NOTCH2: variants seen among roughly 807,000 people sequenced by gnomAD.
NOTCH2 encodes the protein notch receptor 2.
In NOTCH2, 29 loss-of-function variants were observed where a neutral mutation model predicts 235.8. The observed-to-expected ratio is 0.12, with a 90% CI of 0.09 to 0.17. The LOEUF is 0.17. NOTCH2 is among the 10% of genes least tolerant of loss of function. NOTCH2 has a pLI of 1.00. For synonymous variants in NOTCH2, 1,086 were observed against 1,141.5 expected (o/e 0.95, Z 0.98); for missense variants, 2,285 against 3,150.2 (o/e 0.73, Z 6.57).
At chr1:120,066,208 G>C (rs1553217049) in intron 1 of NOTCH2, among the ~76,000 whole-genome samples, 1 of 151,916 alleles carries the variant, frequency 6.6e-6, no homozygotes, top group East Asian at 1.9e-4. Context: ...TTAAACACTG[G>C]AATGACTAAG....
chr1:119,940,533 G>A, intron 19 of NOTCH2, 22 bp downstream of exon 19: 2 of 1,606,684 alleles, frequency 1.2e-6, no homozygotes, highest in Non-Finnish European at 1.7e-6. Context: ...GGAGCTGAGT[G>A]AATGGGAAGG....
chr1:119,916,414 G>C lies in NOTCH2; in HGVS notation c.6308C>G (p.Ser2103Cys), dbSNP rs1484695811. 7 of 1,614,064 alleles carry C rather than the reference G, an allele frequency of 4.3e-6. No homozygotes were observed. Among genetic ancestry groups the C allele is most frequent in the Non-Finnish European group, 5.9e-6 (7 of 1,180,036 alleles). The change falls in exon 34 of 34, where the codon TCT becomes TGT. Residue 2103 changes from serine (S) to cysteine (C), a missense_variant. Around this residue, in one of 6 missense-constraint regions of NOTCH2, gnomAD observed 504 missense variants for 538.0 expected, o/e 0.94. Transcript: ENST00000256646. ...GGTACTCTTGGCACTGGGCCGTCTA[G>C]ACTTCTTGCCCATTGGGGTGTGCTT... The part of the protein sequence containing the change: ...SLKHTPMGKK[S>C]RRPSAKSTMP...
intron 10 of NOTCH2, 108 bp downstream of exon 10, chr1:119,965,345 C>T (rs1470567250): frequency 1.1e-6 from 1 of 904,232 alleles, no homozygotes; most frequent in African/African-American, 1.6e-5. Context: ...ACAGAGGAGC[C>T]TCTGGGAGTG....
rs782598702 is a variant in NOTCH2, at chr1:120,069,124, C to G, written c.73+210G>C. On this transcript the variant is annotated intron_variant, in intron 1 of 33. Transcript: ENST00000256646. ...GTAAGGGGTCCCGGGCCGCGGGGAG[C>G]AGAGGCGGCGGGGAACCCCGGCGGT... is the stretch of plus-strand genomic sequence containing the variant. 131 of 1,525,052 alleles carry G rather than the reference C, an allele frequency of 8.6e-5. 1 individual carries two copies. Among genetic ancestry groups the G allele is most frequent in the Middle Eastern group, 3.5e-4 (2 of 5,786 alleles). The allele number at this position is 1,525,052 out of a possible 1,614,324, so 94.5% of individuals were successfully genotyped here. A position where few individuals can be genotyped will look rare whatever the true frequency, so the allele number is the denominator to read the frequency against.
chr1:119,962,168 C>T (rs1362139024), intron 11 of NOTCH2, among the ~76,000 whole-genome samples: 3 of 152,134 alleles, frequency 2.0e-5, no homozygotes, highest in Non-Finnish European at 4.4e-5. Context: ...CCCTCTCTGT[C>T]CTCCCCAGAA....
chr1:119,929,753 G>A (rs1220841618), intron 22 of NOTCH2, among the ~76,000 whole-genome samples: 4 of 152,194 alleles, frequency 2.6e-5, no homozygotes, highest in African/African-American at 9.7e-5. Context: ...TAAATTCAGT[G>A]TAGCTTAGGT....
intron 11 of NOTCH2, among the ~76,000 whole-genome samples, chr1:119,962,694 C>A (rs1263206820): frequency 6.6e-6 from 1 of 152,196 alleles, no homozygotes; most frequent in Non-Finnish European, 1.5e-5. Flanking sequence ...AGAATGAGTT[C>A]TCAATAAATC....
intron 17 of NOTCH2, among the ~76,000 whole-genome samples, chr1:119,947,382 T>C (rs900846957): frequency 3.9e-5 from 6 of 152,114 alleles, no homozygotes; most frequent in Admixed American, 3.9e-4. Flanking sequence ...CCAACGAAGA[T>C]AGGCAGATGG....
rs1264466873 is a variant in NOTCH2, at chr1:119,916,555, T to C, written c.6167A>G (p.His2056Arg). ...PRDVARDRMH[H>R]DIVRLLDEYN... The stretch of plus-strand genomic sequence containing the variant: ...TTCATCCAGAAGGCGCACAATGTCA[T>C]GGTGCATGCGATCCCGAGCCACATC... Residue 2056 changes from histidine to arginine, a missense_variant, in exon 34 of 34, where the codon CAT becomes CGT. This residue lies in a region of NOTCH2 where 504 missense variants were observed against 538.0 expected (regional missense o/e 0.94). Transcript: ENST00000256646. The C allele has an allele frequency of 3.1e-6, 5 of 1,614,096 alleles. No homozygotes were observed. The highest frequency in any genetic ancestry group is 3.4e-6 in the Non-Finnish European group (4 of 1,179,990).
intron 1 of NOTCH2, among the ~76,000 whole-genome samples, chr1:120,045,872 T>C (rs1423122112): frequency 2.0e-5 from 3 of 152,298 alleles, no homozygotes; most frequent in Admixed American, 1.3e-4. Flanking sequence ...TAGGTGTGTG[T>C]ACCCCAGAAG....
Position 119,923,872 on chromosome 1 carries a change from G to A in NOTCH2, c.4624C>T (p.Leu1542=). ...ACAATAACCAGGGTACCTTCTGCCA[G>A]GTTCTCAGGTTGGTCAGCAGCACAG... ...LDCAADQPEN[L]AEGTLVIVVL... Residue 1542 remains leucine, a synonymous_variant, in exon 26 of 34, where the codon CTG becomes TTG. Coordinates refer to ENST00000256646, the MANE Select transcript of NOTCH2 (RefSeq NM_024408.4). 6.2e-7 allele frequency: 1 copy of A among 1,614,166 alleles called. No individual in the cohort carries two copies. The highest frequency in any genetic ancestry group is 8.5e-7 in the Non-Finnish European group (1 of 1,180,024).
rs1651030663 is a variant in NOTCH2, at chr1:119,963,720, G to A, written c.1769C>T (p.Ser590Phe). 6.2e-7 allele frequency: 1 copy of A among 1,614,138 alleles called. No homozygotes were observed. The highest frequency in any genetic ancestry group is 2.2e-5 in the East Asian group (1 of 44,880). The change falls in exon 11 of 34, where the codon TCC (serine) becomes TTC (phenylalanine). Residue 590 changes from serine (S) to phenylalanine (F), a missense_variant. Around this residue, in one of 6 missense-constraint regions of NOTCH2, gnomAD observed 431 missense variants for 757.8 expected, o/e 0.57. Coordinates refer to ENST00000256646, the MANE Select transcript of NOTCH2 (RefSeq NM_024408.4). Reference protein sequence around the residue: ...HHGQCQDGIDSYTCICNPGYM... With the variant: ...HHGQCQDGIDFYTCICNPGYM... ...CCCGGGATTGCAGATGCAGGTGTAG[G>A]AATCAATACCATCCTGACACTGACC...
intron 5 of NOTCH2, among the ~76,000 whole-genome samples, chr1:119,972,718 T>C (rs1257966626): frequency 6.6e-6 from 1 of 152,298 alleles, no homozygotes; most frequent in African/African-American, 2.4e-5. Context: ...CTCATTTATA[T>C]CTGAGGAAAC....
In NOTCH2 at chr1:119,922,754, G is replaced by A. The variant is rs771934859; in HGVS notation, c.4884C>T (p.Asp1628=). ...VAGSKVFLEI[D]NRQCVQDSDH... ...CTGAGTCTTGAACACACTGGCGGTT[G>A]TCAATTTCCAGAAAGACTTTAGAGC... Residue 1628 remains aspartate (D), a synonymous_variant, in exon 27 of 34, where the codon GAC becomes GAT. Coordinates refer to ENST00000256646, the MANE Select transcript of NOTCH2 (RefSeq NM_024408.4). 1.8e-5 allele frequency: 29 copies of A among 1,614,196 alleles called. No individual in the cohort carries two copies. The highest frequency in any genetic ancestry group is 2.4e-5 in the Non-Finnish European group (28 of 1,180,034).
chr1:119,936,779 A>G (rs782276757), intron 21 of NOTCH2, among the ~76,000 whole-genome samples: 3 of 152,202 alleles, frequency 2.0e-5, no homozygotes, highest in Non-Finnish European at 4.4e-5. Flanking sequence ...AGTGACATGT[A>G]CCTTGAAGAC....
chr1:119,970,496 A>G (rs1248520598), intron 5 of NOTCH2, among the ~76,000 whole-genome samples: 2 of 152,150 alleles, frequency 1.3e-5, no homozygotes, highest in East Asian at 1.9e-4. Flanking sequence ...GAAGACAAAG[A>G]AAGTCCACCC....
At chr1:119,996,806 A>G in intron 4 of NOTCH2, 191 bp downstream of exon 4, 1 of 799,980 alleles carries the variant, frequency 1.3e-6, no homozygotes, top group Non-Finnish European at 2.2e-6. Flanking sequence ...CTGACATGCT[A>G]AATTATCCCC....
chr1:120,001,848 G>A (rs1307082329), intron 3 of NOTCH2, among the ~76,000 whole-genome samples: 3 of 152,150 alleles, frequency 2.0e-5, no homozygotes, highest in Non-Finnish European at 2.9e-5. Flanking sequence ...GTGGGCTCAT[G>A]CTCATGGAAT....
intron 17 of NOTCH2, among the ~76,000 whole-genome samples, chr1:119,947,680 A>G (rs1304416214): frequency 1.3e-5 from 2 of 152,206 alleles, no homozygotes; most frequent in South Asian, 2.1e-4. Context: ...AACTAAAACC[A>G]TATGTCCACA....
Sources: allele counts gnomAD v4.1 joint callset (sites outside exome capture counted in the v4.1 genomes callset), GRCh38; gene constraint gnomAD v4.1.1; regional missense constraint gnomAD v4.1.1; transcripts MANE v1.5; gene names NCBI Gene and HGNC (gene_info 2026-07-23, HGNC 2026-07-21).